The following CRB1 variants were observed in gnomAD, a reference collection of about 807,000 sequenced individuals.
The protein encoded by CRB1 is crumbs cell polarity complex component 1, also known as protein crumbs homolog 1.
Under a neutral mutation model 120.0 loss-of-function variants are expected in CRB1, and 83 were observed. The ratio of observed to expected loss-of-function variants is 0.69; its 90% confidence interval spans 0.58 to 0.83. The LOEUF is 0.83. Among genes scored for constraint, CRB1 ranks in the 40% least tolerant of loss-of-function variants. The pLI, the probability that CRB1 is intolerant of heterozygous loss-of-function variation, is 0.00. For missense variants in CRB1, 1,699 were observed against 1,687.6 expected (o/e 1.01, Z -0.12); for synonymous variants, 625 against 612.5 (o/e 1.02, Z -0.30).
intron 5 of CRB1, among the ~76,000 whole-genome samples, chr1:197,378,736 T>A (rs998983595): frequency 1.3e-5 from 2 of 152,200 alleles, no homozygotes; most frequent in African/African-American, 4.8e-5. Context: ...AATTACCCCT[T>A]TCAAAATAAC....
chr1:197,335,814 G>A (rs1018018338), intron 2 of CRB1, among the ~76,000 whole-genome samples: 2 of 152,282 alleles, frequency 1.3e-5, no homozygotes, highest in African/African-American at 4.8e-5. Context: ...AGTTTTAACA[G>A]TAACTTTCTC....
chr1:197,317,665 T>G (rs1450432710), intron 1 of CRB1, among the ~76,000 whole-genome samples: 1 of 152,074 alleles, frequency 6.6e-6, no homozygotes, highest in Non-Finnish European at 1.5e-5. Flanking sequence ...ACTAATGAAC[T>G]GAATAGAGGG....
chr1:197,335,938 T>C (rs555205453), intron 2 of CRB1, among the ~76,000 whole-genome samples: 2 of 152,360 alleles, frequency 1.3e-5, no homozygotes, highest in East Asian at 1.9e-4. Context: ...TGCCCTCTGA[T>C]GGCAATGTCT....
chr1:197,460,540 T>A (rs1162220693), intron 11 of CRB1, among the ~76,000 whole-genome samples: 1 of 152,148 alleles, frequency 6.6e-6, no homozygotes, highest in Non-Finnish European at 1.5e-5. Flanking sequence ...TATTAGGCCA[T>A]AATGATCACA....
intron 5 of CRB1, among the ~76,000 whole-genome samples, chr1:197,365,558 T>TTTTTC (rs1198860896): frequency 1.3e-5 from 2 of 151,738 alleles, no homozygotes; most frequent in East Asian, 1.9e-4. Context: ...TGGCTGCTCT[T>TTTTTC]TTTTCTTTTC....
intron 1 of CRB1, among the ~76,000 whole-genome samples, chr1:197,278,586 C>T (rs745698359): frequency 1.3e-5 from 2 of 151,842 alleles, no homozygotes; most frequent in African/African-American, 2.4e-5. Flanking sequence ...TGACATACCT[C>T]GGTTTGGCTC....
chr1:197,377,655 A>G (rs2125394144), intron 5 of CRB1, among the ~76,000 whole-genome samples: 1 of 152,266 alleles, frequency 6.6e-6, no homozygotes, highest in South Asian at 2.1e-4. Context: ...TTGATCTTCC[A>G]TTTTCAAGAG....
rs150726045 is a variant in CRB1 at position 197,427,657 on chromosome 1, A to G, written c.2332A>G (p.Asn778Asp). 2 of 1,613,954 alleles carry G rather than the reference A, an allele frequency of 1.2e-6. No homozygotes were observed. The highest frequency in any genetic ancestry group is 1.7e-5 in the Admixed American group (1 of 59,968). The change falls in exon 7 of 12, where the codon AAC (asparagine) becomes GAC (aspartate). Residue 778 changes from asparagine (N) to aspartate (D), a missense_variant. Physicochemically the swap from Asn to Asp is conservative, Grantham distance 23. Transcript: ENST00000367400. ...ERGRLAMLTP[N>D]SPKLVVKFVL... is the part of the protein sequence containing the mutation. ...CGGCAGACTAGCAATGCTGACTCCA[A>G]ACTCTCCCAAATTAGTAGTAAAATT...
At chr1:197,319,432 CAAAAAAAAA>C (rs10646084) in intron 1 of CRB1, among the ~76,000 whole-genome samples, 2 of 27,094 alleles carry the variant, frequency 7.4e-5, no homozygotes, top group Non-Finnish European at 1.2e-4. Flanking sequence ...GACTCCATCT[CAAAAAAAAA>C]AAAAAAAAAA....
intron 1 of CRB1, among the ~76,000 whole-genome samples, chr1:197,294,825 A>G (rs921370461): frequency 1.3e-5 from 2 of 152,126 alleles, no homozygotes; most frequent in African/African-American, 2.4e-5. Context: ...CAAACACCGC[A>G]TGTTCTCACT....
intron 1 of CRB1, among the ~76,000 whole-genome samples, chr1:197,291,264 G>C (rs1411614276): frequency 6.6e-6 from 1 of 151,686 alleles, no homozygotes; most frequent in African/African-American, 2.4e-5. Context: ...TAAGTGAGTG[G>C]ACATGTGTCT....
chr1:197,453,871 T>TA (rs1666125921), intron 11 of CRB1, among the ~76,000 whole-genome samples: 1 of 142,250 alleles, frequency 7.0e-6, no homozygotes, highest in African/African-American at 2.6e-5. Context: ...ATTAATATTA[T>TA]TAATAATATA....
At chr1:197,464,744 C>T (rs1012613452) in intron 11 of CRB1, among the ~76,000 whole-genome samples, 1 of 151,140 alleles carries the variant, frequency 6.6e-6, no homozygotes, top group Admixed American at 6.6e-5. Flanking sequence ...AAGAATTATC[C>T]AGAAAAAAAA....
chr1:197,392,962 G>T (rs1662584826), intron 5 of CRB1, among the ~76,000 whole-genome samples: 1 of 151,990 alleles, frequency 6.6e-6, no homozygotes, highest in Admixed American at 6.6e-5. Context: ...TAATATCCAG[G>T]GAAAAGGTAC....
chr1:197,432,775 G>A lies in CRB1; in HGVS notation c.2843-1931G>A, dbSNP rs142448690. Among the ~76,000 whole-genome samples, 59 of 152,212 alleles carry A rather than the reference G, an allele frequency of 3.9e-4. No individual in the cohort carries two copies. In the East Asian group the frequency reaches 9.5e-3, roughly 24 times the overall value. ...GCATAGACAGTGAATGCAGGGAGGC[G>A]GTTTTTTTAACTTGGATAGTCAGGG... is the stretch of plus-strand genomic sequence containing the variant. On this transcript the variant is annotated intron_variant, in intron 8 of 11. Coordinates refer to ENST00000367400, the MANE Select transcript of CRB1 (RefSeq NM_201253.3).
chr1:197,442,509 A>C, intron 11 of CRB1: 2 of 1,466,156 alleles, frequency 1.4e-6, no homozygotes, highest in Non-Finnish European at 1.8e-6. Flanking sequence ...AAGAAAAAGG[A>C]AATAAAAACC....
At position 197,311,250 on chromosome 1, in the gene CRB1, C is replaced by G. The variant is rs116064667; in HGVS notation, c.71-17172C>G. Among the ~76,000 whole-genome samples, 892 of 152,208 alleles carry G rather than the reference C, an allele frequency of 5.9e-3. 11 individuals are homozygous for G. Among genetic ancestry groups the G allele is most frequent in the African/African-American group, 0.021 (856 of 41,530 alleles). On this transcript the variant is annotated intron_variant, in intron 1 of 11. Coordinates refer to ENST00000367400, the MANE Select transcript of CRB1 (RefSeq NM_201253.3). ...TGCCATCTGTGACAACATGGATGAA[C>G]CTTGAGGGCATTATGCTAGGCGAAA...
the CRB1 span, among the ~76,000 whole-genome samples, chr1:197,208,924 G>T: frequency 1.3e-5 from 2 of 152,098 alleles, no homozygotes; most frequent in African/African-American, 2.4e-5. Flanking sequence ...AGGGATGGGG[G>T]TGTGGTTCTC....
chr1:197,472,834 A>G (rs546296617), intron 11 of CRB1, among the ~76,000 whole-genome samples: 26 of 152,282 alleles, frequency 1.7e-4, no homozygotes, highest in Admixed American at 5.2e-4. Context: ...AGGAGTTCTG[A>G]AATCCAAACA....
Sources: gnomAD v4.1 joint callset for allele counts (sites outside exome capture counted in the v4.1 genomes callset) on GRCh38, gnomAD v4.1.1 for gene constraint, MANE v1.5 for transcripts, NCBI Gene and HGNC (gene_info 2026-07-23, HGNC 2026-07-21) for gene names.